AK9: variants seen among roughly 807,000 people sequenced by gnomAD.
The protein encoded by AK9 is adenylate kinase domain containing 1.
A neutral mutation model predicts 239.6 loss-of-function variants in AK9; 191 were observed. That is an observed-to-expected ratio of 0.80 (90% CI 0.71 to 0.90). The LOEUF is 0.90. AK9 is among the 40% of genes least tolerant of loss of function. The pLI is 0.00. For missense variants in AK9, 1,995 were observed against 2,214.7 expected (o/e 0.90, Z 1.99); for synonymous variants, 689 against 721.0 (o/e 0.96, Z 0.71).
At chr6:109,634,121 G>A (rs1796441617) in intron 10 of AK9, among the ~76,000 whole-genome samples, 1 of 152,182 alleles carries the variant, frequency 6.6e-6, no homozygotes, top group Non-Finnish European at 1.5e-5. Context: ...GGTATTAAGA[G>A]GTAGGACTGT....
At chr6:109,510,419 G>A (rs1431203865) in intron 32 of AK9, among the ~76,000 whole-genome samples, 1 of 151,998 alleles carries the variant, frequency 6.6e-6, no homozygotes, top group African/African-American at 2.4e-5. Context: ...GCTGATAGCT[G>A]GAGATGACAG....
intron 20 of AK9, among the ~76,000 whole-genome samples, chr6:109,574,889 C>G (rs1045044675): frequency 1.3e-5 from 2 of 152,050 alleles, no homozygotes; most frequent in African/African-American, 4.8e-5. Context: ...TTCCCGAAGT[C>G]TATTATATCA....
chr6:109,621,924 CAG>C (rs1267487607), intron 12 of AK9, among the ~76,000 whole-genome samples: 1 of 61,602 alleles, frequency 1.6e-5, no homozygotes, highest in Non-Finnish European at 3.4e-5. Flanking sequence ...AAAAAAAAAA[CAG>C]AAAGAGAAAT....
Position 109,545,954 on chromosome 6 carries a change from A to G in AK9, c.3138T>C (p.Ser1046=). ...KKVGPEFEED[S]ENEQAAKQEL... ...CTTGTTTGGCAGCTTGCTCGTTCTC[A>G]GAATCTTCCTCAAATTCAGGTCCCA... Residue 1046 remains serine (S), a synonymous_variant, in exon 26 of 41, where the codon TCT becomes TCC. Coordinates refer to ENST00000424296, the MANE Select transcript of AK9 (RefSeq NM_001145128.3). 6.2e-7 allele frequency: 1 copy of G among 1,614,204 alleles called. No homozygotes were observed. The highest frequency in any genetic ancestry group is 8.5e-7 in the Non-Finnish European group (1 of 1,180,026).
At chr6:109,602,192 GT>G (rs1473367623) in intron 17 of AK9, among the ~76,000 whole-genome samples, 2 of 152,220 alleles carry the variant, frequency 1.3e-5, no homozygotes, top group East Asian at 1.9e-4. Context: ...AATTTGGCAT[GT>G]TTTTGCAGTG....
Position 109,497,837 on chromosome 6 carries a change from G to C in AK9, c.5175C>G (p.Leu1725=), listed in dbSNP as rs1221795065. ...LKSRFPKCAE[L]QGYCPVTYKD... ...TATAGGTCACTGGACAGTAGCCCTG[G>C]AGCTCCGCACACTTAGGGAATCGAC... The change falls in exon 37 of 41, where the codon CTC becomes CTG. Residue 1725 remains leucine, a synonymous_variant. Transcript: ENST00000424296. The C allele has an allele frequency of 2.5e-6, 4 of 1,613,838 alleles. No individual in the cohort carries two copies. The highest frequency in any genetic ancestry group is 3.4e-6 in the Non-Finnish European group (4 of 1,179,840).
At chr6:109,644,780 T>A in intron 8 of AK9, 92 bp from the exon 9 acceptor site, 10 of 1,072,088 alleles carry the variant, frequency 9.3e-6, no homozygotes, top group Non-Finnish European at 1.3e-5. Context: ...CAGATATATT[T>A]AAAGTAAATT....
chr6:109,629,717 C>T (rs1381656654), intron 12 of AK9, among the ~76,000 whole-genome samples: 1 of 151,842 alleles, frequency 6.6e-6, no homozygotes, highest in Non-Finnish European at 1.5e-5. Context: ...ACTGCAAGCT[C>T]CGCCTCCCGG....
intron 17 of AK9, among the ~76,000 whole-genome samples, chr6:109,601,374 TAGTTG>T (rs1445780260): frequency 6.6e-6 from 1 of 152,220 alleles, no homozygotes; most frequent in Non-Finnish European, 1.5e-5. Flanking sequence ...AGTTTCGATG[TAGTTG>T]AGCAGTTTTG....
chr6:109,669,949 C>T (rs915790739), intron 5 of AK9, among the ~76,000 whole-genome samples: 1 of 152,172 alleles, frequency 6.6e-6, no homozygotes. Context: ...GTGTGGCCCC[C>T]AGACTCAGGA....
chr6:109,554,516 A>ATTTCT lies in AK9; in HGVS notation c.2752-4219_2752-4215dup, dbSNP rs1298489730. On this transcript the variant is annotated intron_variant, in intron 24 of 40. Coordinates refer to ENST00000424296, the MANE Select transcript of AK9 (RefSeq NM_001145128.3). Reference sequence around the variant, plus strand: ...TTAATATTCCCTGGTGGCAGTTTGTATTTCTTTTCTTTTTTTTTTTTTTTT... The same window carrying ATTTCT: ...TTAATATTCCCTGGTGGCAGTTTGTATTTCTTTTCTTTTCTTTTTTTTTTTTTTTT... Among the ~76,000 whole-genome samples, 58 of 98,538 alleles carry ATTTCT rather than the reference A, an allele frequency of 5.9e-4. 2 individuals are homozygous for ATTTCT. The highest frequency in any genetic ancestry group is 8.8e-4 in the East Asian group (3 of 3,422). The allele number at this position is 98,538 out of a possible 152,430, so 64.6% of individuals were successfully genotyped here. A position where few individuals can be genotyped will look rare whatever the true frequency, so the allele number is the denominator to read the frequency against.
chr6:109,690,936 A>G (rs560247361), intron 1 of AK9, among the ~76,000 whole-genome samples: 12 of 152,176 alleles, frequency 7.9e-5, no homozygotes, highest in Non-Finnish European at 1.6e-4. Context: ...ACTGACACTC[A>G]GTGAAGGACC....
rs752339603 is a variant in AK9 at position 109,671,926 on chromosome 6, AC to A, written c.323del (p.Cys108PhefsTer18). 1.2e-6 allele frequency: 2 copies of A among 1,613,522 alleles called. No homozygotes were observed. Among genetic ancestry groups the A allele is most frequent in the South Asian group, 1.1e-5 (1 of 91,032 alleles). ...ATATTAAAATAAACATACCAAAGTG[AC>A]AGACTTCTGGGGAGTTGAGCTTCTC... ...MLEKLNSPEV[C>X]HFGYIITEIP... On this transcript the variant is annotated frameshift_variant, in exon 5 of 41. Transcript: ENST00000424296. LOFTEE classifies it high-confidence loss of function.
chr6:109,608,536 T>C (rs1583236416), intron 17 of AK9, among the ~76,000 whole-genome samples: 1 of 152,110 alleles, frequency 6.6e-6, no homozygotes. Flanking sequence ...TATATGTATA[T>C]TGGCCATTTG....
At chr6:109,528,960 C>T in intron 29 of AK9, 51 bp downstream of exon 29, 2 of 1,589,512 alleles carry the variant, frequency 1.3e-6, no homozygotes, top group Non-Finnish European at 1.7e-6. Context: ...GTACCCTGCC[C>T]TGGGCAACAG....
At chr6:109,625,571 C>T (rs1012944423) in intron 12 of AK9, among the ~76,000 whole-genome samples, 2 of 152,130 alleles carry the variant, frequency 1.3e-5, no homozygotes, top group Non-Finnish European at 2.9e-5. Context: ...GAGCACGAAC[C>T]CTATTGTGAA....
chr6:109,627,240 G>A (rs1401552510), intron 12 of AK9, among the ~76,000 whole-genome samples: 2 of 149,654 alleles, frequency 1.3e-5, no homozygotes, highest in Non-Finnish European at 3.0e-5. Flanking sequence ...GGTCTTCAGG[G>A]ACAAGAACAT....
chr6:109,675,965 TA>T (rs1446707725), intron 1 of AK9, among the ~76,000 whole-genome samples: 2 of 152,118 alleles, frequency 1.3e-5, no homozygotes, highest in Non-Finnish European at 2.9e-5. Flanking sequence ...AAAATCCAAC[TA>T]TATGTTGTAT....
intron 34 of AK9, 51 bp downstream of exon 34, chr6:109,506,603 C>T: frequency 6.5e-7 from 1 of 1,532,948 alleles, no homozygotes; most frequent in Admixed American, 2.0e-5. Context: ...ATCTTTTCCC[C>T]CGTATGATTA....
Sources: allele counts gnomAD v4.1 joint callset (sites outside exome capture counted in the v4.1 genomes callset), GRCh38; gene constraint gnomAD v4.1.1; transcripts MANE v1.5; gene names NCBI Gene and HGNC (gene_info 2026-07-23, HGNC 2026-07-21).